Variants in ANKH observed in about 807,000 individuals in gnomAD.
ANKH encodes mineralization regulator ANKH.
In ANKH, 15 loss-of-function variants were observed where a neutral mutation model predicts 49.0. That is an observed-to-expected ratio of 0.31 (90% confidence interval 0.20 to 0.47). ANKH has a LOEUF of 0.47. Among genes scored for constraint, ANKH ranks in the 20% least tolerant of loss-of-function variants. The probability of loss-of-function intolerance (pLI) is 1.00; values close to 1 mark genes in which losing one functional copy is unlikely to be tolerated. For synonymous variants in ANKH, 273 were observed against 260.0 expected, an observed-to-expected ratio of 1.05 and a Z score of -0.48; for missense variants, 429 against 652.0, an observed-to-expected ratio of 0.66 and a Z score of 3.72.
chr5:14,751,310 C>T (rs1738710087), intron 4 of ANKH, 71 bp from the exon 5 acceptor site: 13 of 1,496,390 alleles, frequency 8.7e-6, no homozygotes, highest in Non-Finnish European at 1.2e-5. Context: ...CACAGGGGCA[C>T]GCTCTTGAAC....
chr5:14,802,911 A>G (rs986730633), intron 1 of ANKH, among the ~76,000 whole-genome samples: 1 of 152,192 alleles, frequency 6.6e-6, no homozygotes, highest in African/African-American at 2.4e-5. Flanking sequence ...AGACTTGTTG[A>G]ATGGGAGCAT....
At position 14,713,209 on chromosome 5, in the gene ANKH, T is replaced by C. The variant is rs1365531000; in HGVS notation, c.1266-236A>G. Among the ~76,000 whole-genome samples the C allele has an allele frequency of 6.6e-6, 1 of 151,806 alleles. No homozygotes were observed. Among genetic ancestry groups the C allele is most frequent in the African/African-American group, 2.4e-5 (1 of 41,328 alleles). Reference sequence around the variant, plus strand: ...ATGGATCCCACAGCCCTTCCCACCCTCCCCAGGACGCTGGGAGCTCCCTGA... The same window carrying C: ...ATGGATCCCACAGCCCTTCCCACCCCCCCCAGGACGCTGGGAGCTCCCTGA... On this transcript the variant is annotated intron_variant, in intron 10 of 11. Coordinates refer to ENST00000284268, the MANE Select transcript of ANKH (RefSeq NM_054027.6). This position sits in a 1 kb window ranked among gnomAD's most constrained non-coding sequence, Gnocchi z 4.4.
At chr5:14,798,288 T>C in intron 1 of ANKH, 3 of 1,602,268 alleles carry the variant, frequency 1.9e-6, no homozygotes, top group East Asian at 2.2e-5. Context: ...CTCCAGAGCA[T>C]GGGTCATCAC....
intron 8 of ANKH, chr5:14,717,089 G>T: frequency 2.2e-6 from 1 of 461,568 alleles, no homozygotes; most frequent in Non-Finnish European, 4.0e-6. Context: ...CCAAGAGTGG[G>T]TCATTTATTT....
Position 14,725,734 on chromosome 5 carries a change from T to A in ANKH, c.1012-8899A>T, listed in dbSNP as rs1737803053. On this transcript the variant is annotated intron_variant, in intron 8 of 11. Coordinates refer to ENST00000284268, the MANE Select transcript of ANKH (RefSeq NM_054027.6). The surrounding 1 kb of genome is among the most constrained non-coding windows in gnomAD (Gnocchi z 4.0). ...TGGCTTCCACAAAGAACATGTATTC[T>A]TTTTATCAGAAAAACATTTTTTTTT... Among the ~76,000 whole-genome samples, 7 of 152,210 alleles carry A rather than the reference T, an allele frequency of 4.6e-5. No homozygotes were observed.
Position 14,725,797 on chromosome 5 carries a change from G to A in ANKH, c.1012-8962C>T, listed in dbSNP as rs943892629. 3.3e-5 allele frequency among the ~76,000 whole-genome samples: 5 copies of A among 152,156 alleles called. No individual in the cohort carries two copies. Among genetic ancestry groups the A allele is most frequent in the African/African-American group, 1.2e-4 (5 of 41,416 alleles). On this transcript the variant is annotated intron_variant, in intron 8 of 11. Coordinates refer to ENST00000284268, the MANE Select transcript of ANKH (RefSeq NM_054027.6). This position sits in a 1 kb window ranked among gnomAD's most constrained non-coding sequence, Gnocchi z 4.0. ...AGCCTTGCTCTGTTGCCAGGCTGGA[G>A]TGCAGTGGCACGATCTTGGCTCACT...
chr5:14,707,060 C>G lies in ANKH; in HGVS notation c.*4137G>C, dbSNP rs886060072. The G allele has an allele frequency of 2.0e-5, 3 of 152,008 alleles. No individual in the cohort carries two copies. In the East Asian group the frequency reaches 5.8e-4, roughly 29 times the overall value. 9.4% of individuals were successfully genotyped at this position (152,008 alleles called of 1,614,324 possible). A position where few individuals can be genotyped will look rare whatever the true frequency, so the allele number is the denominator to read the frequency against. Reference sequence around the variant, plus strand: ...CTTAGAAGATAAAGGACCCCTTTTTCTGGACTGTGCACTAGTTTGATTGAT... The same window carrying G: ...CTTAGAAGATAAAGGACCCCTTTTTGTGGACTGTGCACTAGTTTGATTGAT... On this transcript the variant is annotated 3_prime_UTR_variant, in exon 12 of 12. Transcript: ENST00000284268.
chr5:14,756,055 C>T (rs936605411), intron 3 of ANKH, 111 bp from the exon 4 acceptor site: 7 of 884,708 alleles, frequency 7.9e-6, no homozygotes, highest in Non-Finnish European at 1.3e-5. Context: ...CCCTCAAAGC[C>T]TTAGCAGCCC....
intron 1 of ANKH, chr5:14,797,880 C>A: frequency 1.2e-6 from 2 of 1,612,020 alleles, no homozygotes; most frequent in South Asian, 1.1e-5. Context: ...CTGATGTCCA[C>A]GGAGACGCAA....
chr5:14,795,405 TG>T (rs1393893276), intron 1 of ANKH, among the ~76,000 whole-genome samples: 1 of 152,194 alleles, frequency 6.6e-6, no homozygotes, highest in African/African-American at 2.4e-5. Flanking sequence ...AATAATACGT[TG>T]TGGTTCTTAA....
chr5:14,796,677 A>C (rs949086735), intron 1 of ANKH, among the ~76,000 whole-genome samples: 1 of 152,314 alleles, frequency 6.6e-6, no homozygotes, highest in Non-Finnish European at 1.5e-5. Context: ...ATTTTCGAGT[A>C]GGAATCTATA....
At chr5:14,867,401 A>G (rs987385086) in intron 1 of ANKH, among the ~76,000 whole-genome samples, 4 of 152,156 alleles carry the variant, frequency 2.6e-5, no homozygotes, top group African/African-American at 7.2e-5. Context: ...TAGGTGCTCA[A>G]TCAATGTACG....
In ANKH at chr5:14,709,444, G is replaced by A. The variant is rs1329037667; in HGVS notation, c.*1753C>T. On this transcript the variant is annotated 3_prime_UTR_variant, in exon 12 of 12. Coordinates refer to ENST00000284268, the MANE Select transcript of ANKH (RefSeq NM_054027.6). ...AAGCACGCCAAGGACATGTCCCCAC[G>A]TGGGCACACCCCATCAGCACTGGGT... 6.6e-6 allele frequency: 1 copy of A among 152,150 alleles called. No individual in the cohort carries two copies. Among genetic ancestry groups the A allele is most frequent in the African/African-American group, 2.4e-5 (1 of 41,414 alleles). 9.4% of individuals were successfully genotyped at this position (152,150 alleles called of 1,614,324 possible).
intron 1 of ANKH, among the ~76,000 whole-genome samples, chr5:14,859,987 T>C (rs958754693): frequency 1.3e-5 from 2 of 152,242 alleles, no homozygotes; most frequent in Non-Finnish European, 2.9e-5. Context: ...CTGGTTTGTC[T>C]AGGAGAGGCT....
rs1236171893 is a variant in ANKH, at chr5:14,705,009, A to T, written c.*6188T>A. ...ATACTGACCGCTGTAGTCAATTTTA[A>T]TCAAAAACTACACAAATATTTTATT... On this transcript the variant is annotated 3_prime_UTR_variant, in exon 12 of 12. Transcript: ENST00000284268. 2.0e-5 allele frequency: 3 copies of T among 152,218 alleles called. No individual in the cohort carries two copies. The highest frequency in any genetic ancestry group is 4.4e-5 in the Non-Finnish European group (3 of 68,040). 9.4% of individuals were successfully genotyped at this position (152,218 alleles called of 1,614,324 possible).
At chr5:14,804,275 C>T (rs938415704) in intron 1 of ANKH, among the ~76,000 whole-genome samples, 8 of 152,190 alleles carry the variant, frequency 5.3e-5, no homozygotes, top group African/African-American at 2.4e-5. Flanking sequence ...AGTGAGTGCC[C>T]ATCTGAAACC....
intron 3 of ANKH, among the ~76,000 whole-genome samples, chr5:14,757,193 C>T (rs1738914973): frequency 6.6e-6 from 1 of 152,072 alleles, no homozygotes; most frequent in Admixed American, 6.5e-5. Context: ...GAAAGGCCAC[C>T]TCCTTCAGTT....
At chr5:14,819,769 G>A (rs954290963) in intron 1 of ANKH, among the ~76,000 whole-genome samples, 4 of 152,068 alleles carry the variant, frequency 2.6e-5, no homozygotes, top group African/African-American at 9.7e-5. Context: ...GGGAGGCTGA[G>A]GTGGGAGGAT....
chr5:14,744,443 G>A (rs775215403), intron 7 of ANKH, among the ~76,000 whole-genome samples: 5 of 136,492 alleles, frequency 3.7e-5, no homozygotes, highest in Admixed American at 7.1e-5. Context: ...CCTTTCCCAC[G>A]TGACCATGGG....
Sources: gnomAD v4.1 joint callset for allele counts (sites outside exome capture counted in the v4.1 genomes callset) on GRCh38, gnomAD v4.1.1 for gene constraint, Gnocchi (gnomAD v3.1) non-coding constraint, MANE v1.5 for transcripts, NCBI Gene and HGNC (gene_info 2026-07-23, HGNC 2026-07-21) for gene names.